Variants in RBFOX1 observed in about 807,000 individuals in gnomAD.
RBFOX1 encodes RNA binding fox-1 homolog 1.
Under a neutral mutation model 57.7 loss-of-function variants are expected in RBFOX1, and 8 were observed. That is an observed-to-expected ratio of 0.14 (90% CI 0.08 to 0.25). The LOEUF (loss-of-function observed/expected upper bound fraction) is 0.25, where lower values mean the gene tolerates loss of function less well. Ranked by LOEUF, RBFOX1 falls within the 10% of genes least tolerant of loss-of-function variation. The pLI is 1.00. For missense variants in RBFOX1, 611 were observed against 548.5 expected, an observed-to-expected ratio of 1.11 and a Z score of -1.14; for synonymous variants, 326 against 222.4, an observed-to-expected ratio of 1.47 and a Z score of -4.15.
Position 6,351,683 on chromosome 16 carries a change from G to A in RBFOX1, c.-64+34626G>A, listed in dbSNP as rs577925953. 3.3e-5 allele frequency among the ~76,000 whole-genome samples: 5 copies of A among 152,026 alleles called. No homozygotes were observed. The East Asian group carries it at 5.8e-4, about 18-fold the overall frequency. On this transcript the variant is annotated intron_variant, in intron 2 of 15. Coordinates refer to ENST00000550418, the MANE Select transcript of RBFOX1 (RefSeq NM_018723.4). ...GCCACCGCTCCCGGCCTAAGGGAATGTTTTCATGTGTGTGTATACTAAATA... is the reference window on the plus strand; with the variant it reads ...GCCACCGCTCCCGGCCTAAGGGAATATTTTCATGTGTGTGTATACTAAATA...
intron 1 of RBFOX1, among the ~76,000 whole-genome samples, chr16:6,306,274 G>C (rs566372207): frequency 6.6e-6 from 1 of 152,262 alleles, no homozygotes; most frequent in South Asian, 2.1e-4. Flanking sequence ...TGCTAGGGAG[G>C]CAGTATTTGA....
intron 3 of RBFOX1, among the ~76,000 whole-genome samples, chr16:6,955,044 A>G (rs2081476939): frequency 6.7e-6 from 1 of 148,548 alleles, no homozygotes; most frequent in Non-Finnish European, 1.5e-5. Flanking sequence ...AAGCCTGGGC[A>G]ACACTGGGAA....
At chr16:6,986,387 C>A (rs867344534) in intron 3 of RBFOX1, among the ~76,000 whole-genome samples, 1 of 151,814 alleles carries the variant, frequency 6.6e-6, no homozygotes, top group African/African-American at 2.4e-5. Context: ...CTAGTAGAGA[C>A]GGGGTTTCAC....
rs188977547 is a variant in RBFOX1, at chr16:5,311,358, A to C, written c.219+71253A>C. On this transcript the variant is annotated intron_variant, in intron 1 of 2. Coordinates refer to the RBFOX1 transcript ENST00000585867. The stretch of plus-strand genomic sequence containing the variant: ...TTGCAATTGTGAACTGTGCTGCAAT[A>C]AACATATGTATGCAGGTGTCTTCTT... Among the ~76,000 whole-genome samples, 8 of 152,356 alleles carry C rather than the reference A, an allele frequency of 5.3e-5. No homozygotes were observed. In the East Asian group the frequency reaches 1.5e-3, roughly 29 times the overall value.
chr16:6,714,713 G>A (rs182586993), intron 3 of RBFOX1, among the ~76,000 whole-genome samples: 15 of 152,016 alleles, frequency 9.9e-5, no homozygotes, highest in Admixed American at 1.3e-4. Context: ...AGTGCCTCAC[G>A]TGGTGGCTTC....
chr16:6,327,664 A>T (rs1203175711), intron 2 of RBFOX1, among the ~76,000 whole-genome samples: 1 of 152,210 alleles, frequency 6.6e-6, no homozygotes, highest in Non-Finnish European at 1.5e-5. Context: ...AATCTTGGTT[A>T]GAAAATAACT....
At chr16:7,527,064 G>C (rs2078872248) in intron 5 of RBFOX1, among the ~76,000 whole-genome samples, 1 of 152,198 alleles carries the variant, frequency 6.6e-6, no homozygotes, top group Non-Finnish European at 1.5e-5. Flanking sequence ...GCTCTTGTTT[G>C]AGACCTGCGC....
intron 4 of RBFOX1, among the ~76,000 whole-genome samples, chr16:7,238,260 A>C (rs915407689): frequency 6.6e-6 from 1 of 152,164 alleles, no homozygotes; most frequent in Non-Finnish European, 1.5e-5. Flanking sequence ...TCTGGAGATG[A>C]ATGTTGGGAA....
chr16:5,735,666 G>C (rs1460976320), intron 3 of RBFOX1, among the ~76,000 whole-genome samples: 1 of 152,166 alleles, frequency 6.6e-6, no homozygotes. Context: ...GGAGGCCAAA[G>C]TGGGTGGGTC....
chr16:7,045,660 T>G (rs2047660899), intron 3 of RBFOX1, among the ~76,000 whole-genome samples: 1 of 147,360 alleles, frequency 6.8e-6, no homozygotes, highest in Non-Finnish European at 1.5e-5. Flanking sequence ...TACTTTTTTT[T>G]TTTCAATAGA....
chr16:7,332,686 CT>C, intron 4 of RBFOX1: 1 of 861,812 alleles, frequency 1.2e-6, no homozygotes, highest in Non-Finnish European at 1.5e-6. Context: ...CTCTCTCTCT[CT>C]GAGAACTAAA....
At chr16:6,368,307 C>A (rs74007307) in intron 2 of RBFOX1, among the ~76,000 whole-genome samples, 1 of 152,126 alleles carries the variant, frequency 6.6e-6, no homozygotes, top group African/African-American at 2.4e-5. Context: ...CTCAGCCTGC[C>A]CCAAACCCCA....
chr16:6,389,840 C>G (rs2092504589), intron 2 of RBFOX1, among the ~76,000 whole-genome samples: 1 of 152,142 alleles, frequency 6.6e-6, no homozygotes, highest in African/African-American at 2.4e-5. Flanking sequence ...AAAATTGATG[C>G]TGTCTTCCCA....
intron 4 of RBFOX1, among the ~76,000 whole-genome samples, chr16:7,255,480 A>C (rs2094640057): frequency 6.6e-6 from 1 of 152,256 alleles, no homozygotes; most frequent in South Asian, 2.1e-4. Context: ...CTTTAAAAAT[A>C]AGTGAATATG....
chr16:6,774,512 T>C (rs1414205358), intron 3 of RBFOX1, among the ~76,000 whole-genome samples: 1 of 152,208 alleles, frequency 6.6e-6, no homozygotes, highest in Non-Finnish European at 1.5e-5. Flanking sequence ...ATAGTCATTG[T>C]CTTACTTCTC....
intron 3 of RBFOX1, among the ~76,000 whole-genome samples, chr16:6,795,210 A>C (rs943113738): frequency 6.6e-6 from 1 of 152,150 alleles, no homozygotes. Context: ...TGTGACTTCT[A>C]GGTTACCCAC....
chr16:6,438,948 G>A (rs2094307145), intron 2 of RBFOX1, among the ~76,000 whole-genome samples: 1 of 152,174 alleles, frequency 6.6e-6, no homozygotes, highest in South Asian at 2.1e-4. Context: ...TTTAGTGTAT[G>A]ACATCTTCCT....
At chr16:5,817,200 G>C (rs570544320) in intron 3 of RBFOX1, among the ~76,000 whole-genome samples, 1 of 152,180 alleles carries the variant, frequency 6.6e-6, no homozygotes, top group Non-Finnish European at 1.5e-5. Context: ...GTTTGTGTGT[G>C]TGTTGGGGTG....
chr16:7,361,924 G>C (rs1325512938), intron 4 of RBFOX1, among the ~76,000 whole-genome samples: 1 of 151,216 alleles, frequency 6.6e-6, no homozygotes, highest in Non-Finnish European at 1.5e-5. Context: ...TTGCATATGT[G>C]TGTTAGTGTG....
Sources: gnomAD v4.1 joint callset for allele counts (sites outside exome capture counted in the v4.1 genomes callset) on GRCh38, gnomAD v4.1.1 for gene constraint, MANE v1.5 for transcripts, NCBI Gene and HGNC (gene_info 2026-07-23, HGNC 2026-07-21) for gene names.